The following TSLP variants were observed in gnomAD, a reference collection of about 807,000 sequenced individuals.
The protein encoded by TSLP is thymic stroma-derived lymphopoietin.
Under a neutral mutation model 12.4 loss-of-function variants are expected in TSLP, and 12 were observed. The observed-to-expected ratio is 0.97, with a 90% CI of 0.62 to 1.57. The LOEUF (loss-of-function observed/expected upper bound fraction) is 1.57, where lower values mean the gene tolerates loss of function less well. Ranked by LOEUF, TSLP falls within the 40% of genes most tolerant of loss-of-function variation. TSLP has a pLI of 0.00. For synonymous variants in TSLP, 97 were observed against 69.5 expected (o/e 1.40, Z -1.97); for missense variants, 222 against 189.6 (o/e 1.17, Z -1.00).
intron 3 of TSLP, among the ~76,000 whole-genome samples, chr5:111,075,571 T>G (rs1001586685): frequency 4.6e-5 from 7 of 152,250 alleles, no homozygotes; most frequent in Admixed American, 3.9e-4. Flanking sequence ...AAATATTCAG[T>G]GTTTCCTATG....
intron 1 of TSLP, among the ~76,000 whole-genome samples, 166 bp from the exon 2 acceptor site, chr5:111,072,722 T>G (rs147287352): frequency 6.6e-6 from 1 of 152,212 alleles, no homozygotes; most frequent in East Asian, 1.9e-4. Flanking sequence ...TAACCAGCAC[T>G]ATCTAATGGC....
chr5:111,073,388 T>A, intron 2 of TSLP, 123 bp from the exon 3 acceptor site: 1 of 1,550,048 alleles, frequency 6.5e-7, no homozygotes, highest in Non-Finnish European at 8.7e-7. Context: ...TCTCTCTGAC[T>A]CTCGACTTGT....
rs1260733965 is a variant in TSLP at position 111,075,989 on chromosome 5, T to C, written c.395T>C (p.Val132Ala). The part of the protein sequence containing the change: ...QAMKKRRKRK[V>A]TTNKCLEQVS... ...ATGAAGAAGAGGAGAAAAAGGAAAGTCACAACCAATAAATGTCTGGAACAA... is the reference window on the plus strand; with the variant it reads ...ATGAAGAAGAGGAGAAAAAGGAAAGCCACAACCAATAAATGTCTGGAACAA... The change falls in exon 4 of 4, where the codon GTC becomes GCC. Residue 132 changes from valine (V) to alanine (A), a missense_variant. Physicochemically the swap from Val to Ala is moderately conservative, Grantham distance 64 (BLOSUM62 0). Coordinates refer to ENST00000344895, the MANE Select transcript of TSLP (RefSeq NM_033035.5). 1 of 1,614,058 alleles carries C rather than the reference T, an allele frequency of 6.2e-7. No individual in the cohort carries two copies. The highest frequency in any genetic ancestry group is 1.7e-5 in the Admixed American group (1 of 59,992).
intron 2 of TSLP, chr5:111,073,187 A>T: frequency 1.0e-6 from 1 of 985,806 alleles, no homozygotes; most frequent in Non-Finnish European, 1.4e-6. Flanking sequence ...GAACGTTGTT[A>T]GGGGCACCAC....
chr5:111,073,790 CAGTT>C, intron 3 of TSLP, 145 bp downstream of exon 3: 1 of 870,890 alleles, frequency 1.1e-6, no homozygotes, highest in South Asian at 1.8e-5. Flanking sequence ...GGTAGGATGT[CAGTT>C]AGACCCACGT....
chr5:111,075,542 A>G (rs940733638), intron 3 of TSLP, among the ~76,000 whole-genome samples: 2 of 152,200 alleles, frequency 1.3e-5, no homozygotes, highest in East Asian at 3.9e-4. Flanking sequence ...CAATTTATTC[A>G]TTTACTTAAT....
Position 111,077,355 on chromosome 5 carries a change from A to C in TSLP, c.*1281A>C, listed in dbSNP as rs1210067325. On this transcript the variant is annotated 3_prime_UTR_variant, in exon 4 of 4. Coordinates refer to ENST00000344895, the MANE Select transcript of TSLP (RefSeq NM_033035.5). ...AGCTTACATTACATGTCCAGTCCAC[A>C]TTTAAAGAGCACTTACTGTGGAACA... 6.6e-6 allele frequency: 1 copy of C among 152,284 alleles called. No individual in the cohort carries two copies. The highest frequency in any genetic ancestry group is 1.5e-5 in the Non-Finnish European group (1 of 68,062). The allele number at this position is 152,284 out of a possible 1,614,324, so 9.4% of individuals were successfully genotyped here.
chr5:111,075,863 T>G, intron 3 of TSLP, 83 bp from the exon 4 acceptor site: 1 of 1,404,156 alleles, frequency 7.1e-7, no homozygotes, highest in Non-Finnish European at 9.9e-7. Context: ...TGGATTTGCA[T>G]AGAGAAGGCA....
chr5:111,074,066 T>C (rs1172429106), intron 3 of TSLP, among the ~76,000 whole-genome samples: 1 of 152,240 alleles, frequency 6.6e-6, no homozygotes, highest in Non-Finnish European at 1.5e-5. Flanking sequence ...CAACACCTCT[T>C]GTTCTTATCA....
intron 2 of TSLP, chr5:111,073,176 G>A (rs1300769820): frequency 1.1e-6 from 1 of 932,850 alleles, no homozygotes; most frequent in Non-Finnish European, 1.5e-6. Context: ...CTGGGACGAG[G>A]GAACGTTGTT....
rs760827953 is a variant in TSLP, at chr5:111,074,769, G to A, written c.351+1124G>A. On this transcript the variant is annotated intron_variant, in intron 3 of 3. Transcript: ENST00000344895. ...CGAGTAGCTGGAACTACAGGTGCCC[G>A]CCACCACGCCTGGCTAACTTTTGTA... Among the ~76,000 whole-genome samples, 251 of 151,340 alleles carry A rather than the reference G, an allele frequency of 1.7e-3. 1 individual carries two copies. Among genetic ancestry groups the A allele is most frequent in the Non-Finnish European group, 2.5e-3 (168 of 67,856 alleles).
Position 111,071,753 on chromosome 5 carries a change from A to T in TSLP, c.-138A>T, listed in dbSNP as rs1752342286. ...ACTTAAGGCAACAGCATGGGTGAATAAGGGCTTCCTGTGGACTGGCAATGA... is the reference window on the plus strand; with the variant it reads ...ACTTAAGGCAACAGCATGGGTGAATTAGGGCTTCCTGTGGACTGGCAATGA... On this transcript the variant is annotated 5_prime_UTR_variant, in exon 1 of 4. It removes the in-frame stop codon of an upstream open reading frame in the 5' UTR. Transcript: ENST00000344895. 1 of 1,263,544 alleles carries T rather than the reference A, an allele frequency of 7.9e-7. No individual in the cohort carries two copies. The highest frequency in any genetic ancestry group is 1.5e-5 in the African/African-American group (1 of 66,670). The allele number at this position is 1,263,544 out of a possible 1,614,324, so 78.3% of individuals were successfully genotyped here.
intron 3 of TSLP, among the ~76,000 whole-genome samples, chr5:111,074,957 G>C (rs1259243588): frequency 6.6e-6 from 1 of 152,122 alleles, no homozygotes; most frequent in South Asian, 2.1e-4. Context: ...TGAAGCCATA[G>C]CGCTGATCTG....
intron 3 of TSLP, among the ~76,000 whole-genome samples, chr5:111,075,691 G>A (rs1244007853): frequency 2.0e-5 from 3 of 152,196 alleles, no homozygotes; most frequent in Non-Finnish European, 4.4e-5. Flanking sequence ...TACTGGAAGA[G>A]TTTCCAAAAG....
Position 111,075,830 on chromosome 5 carries a change from T to C in TSLP, c.352-116T>C, listed in dbSNP as rs1055911884. The C allele has an allele frequency of 2.5e-5, 26 of 1,058,540 alleles. No individual in the cohort carries two copies. In the South Asian group the frequency reaches 4.1e-4, roughly 17 times the overall value. The allele number at this position is 1,058,540 out of a possible 1,614,324, so 65.6% of individuals were successfully genotyped here. A position where few individuals can be genotyped will look rare whatever the true frequency, so the allele number is the denominator to read the frequency against. On this transcript the variant is annotated intron_variant, in intron 3 of 3. Coordinates refer to ENST00000344895, the MANE Select transcript of TSLP (RefSeq NM_033035.5). ...CACATGCTAGCACATAGTAAGCAGG[T>C]GCTTTGGAGACACACTGAAAGATGG...
upstream of TSLP, chr5:111,070,282 C>T (rs990359353): frequency 6.5e-6 from 1 of 152,802 alleles, no homozygotes. Context: ...TTGCTCTTTT[C>T]CCCAGGCACC....
In TSLP at chr5:111,076,787, A is replaced by C. The variant is rs1752519576; in HGVS notation, c.*713A>C. On this transcript the variant is annotated 3_prime_UTR_variant, in exon 4 of 4. Coordinates refer to ENST00000344895, the MANE Select transcript of TSLP (RefSeq NM_033035.5). ...TATATTTCTTAATAAAATAATTCTC[A>C]AATTTGTTTCTTATGAATCATCTCT... is the stretch of plus-strand genomic sequence containing the variant. 1 of 152,196 alleles carries C rather than the reference A, an allele frequency of 6.6e-6. No homozygotes were observed. Among genetic ancestry groups the C allele is most frequent in the South Asian group, 2.1e-4 (1 of 4,828 alleles). 9.4% of individuals were successfully genotyped at this position (152,196 alleles called of 1,614,324 possible).
At chr5:111,071,525 A>C (rs888600309), upstream of TSLP, 3 of 1,548,750 alleles carry the variant, frequency 1.9e-6, no homozygotes, top group Non-Finnish European at 2.6e-6. Flanking sequence ...AAGGTGAGGG[A>C]AATTCCTGAT....
Position 111,076,309 on chromosome 5 carries a change from C to A in TSLP, c.*235C>A. The A allele has an allele frequency of 2.1e-6, 1 of 477,334 alleles. No individual in the cohort carries two copies. Among genetic ancestry groups the A allele is most frequent in the Admixed American group, 4.1e-5 (1 of 24,520 alleles). The allele number at this position is 477,334 out of a possible 1,614,324, so 29.6% of individuals were successfully genotyped here. A position where few individuals can be genotyped will look rare whatever the true frequency, so the allele number is the denominator to read the frequency against. On this transcript the variant is annotated 3_prime_UTR_variant, in exon 4 of 4. Coordinates refer to ENST00000344895, the MANE Select transcript of TSLP (RefSeq NM_033035.5). ...ATAACATTGATGACTGGCTTCATGG[C>A]AGTAATTCTCGGCTGTAGTTGCATA...
Sources: gnomAD v4.1 joint callset for allele counts (sites outside exome capture counted in the v4.1 genomes callset) on GRCh38, gnomAD v4.1.1 for gene constraint, MANE v1.5 for transcripts, NCBI Gene and HGNC (gene_info 2026-07-23, HGNC 2026-07-21) for gene names.